Variants in GSTCD observed in about 807,000 individuals in gnomAD.
The protein encoded by GSTCD is glutathione S-transferase C-terminal domain containing.
GSTCD carries 44 observed loss-of-function variants against 68.3 expected under a neutral mutation model. That is an observed-to-expected ratio of 0.64 (90% confidence interval 0.51 to 0.83). GSTCD has a LOEUF of 0.83. Among genes scored for constraint, GSTCD ranks in the 40% least tolerant of loss-of-function variants. The pLI, the probability that GSTCD is intolerant of heterozygous loss-of-function variation, is 0.00. For synonymous variants in GSTCD, 273 were observed against 255.2 expected (o/e 1.07, Z -0.67); for missense variants, 739 against 735.9 (o/e 1.00, Z -0.05).
intron 5 of GSTCD, among the ~76,000 whole-genome samples, chr4:105,776,674 C>G (rs1422639007): frequency 6.6e-6 from 1 of 152,148 alleles, no homozygotes; most frequent in Non-Finnish European, 1.5e-5. Context: ...TACCCACTGT[C>G]TAACCAGTCC....
intron 4 of GSTCD, among the ~76,000 whole-genome samples, chr4:105,727,583 G>T (rs548643537): frequency 6.1e-4 from 90 of 148,166 alleles, no homozygotes; most frequent in Admixed American, 1.3e-3. Flanking sequence ...CCAAGGTTTT[G>T]TTTAAATTTG....
At position 105,713,802 on chromosome 4, in the gene GSTCD, T is replaced by C. The variant is rs1732607351; in HGVS notation, c.-21-3791T>C. 1.3e-5 allele frequency among the ~76,000 whole-genome samples: 2 copies of C among 151,606 alleles called. 1 individual carries two copies. Among genetic ancestry groups the C allele is most frequent in the South Asian group, 4.1e-4 (2 of 4,830 alleles). ...AACACAGGTTAATCATTTGCAGCAG[T>C]TATGCACTTTTTGGTCTTCATTATA... On this transcript the variant is annotated intron_variant, in intron 1 of 11. Transcript: ENST00000515279.
intron 2 of GSTCD, among the ~76,000 whole-genome samples, chr4:105,718,403 C>T (rs1335923442): frequency 1.3e-5 from 2 of 152,148 alleles, no homozygotes; most frequent in Non-Finnish European, 2.9e-5. Flanking sequence ...CTTGCTCTCT[C>T]TTGCACCCTC....
At chr4:105,785,356 A>C (rs1735425539) in intron 5 of GSTCD, among the ~76,000 whole-genome samples, 1 of 152,190 alleles carries the variant, frequency 6.6e-6, no homozygotes, top group Non-Finnish European at 1.5e-5. Context: ...CAGATTAAAA[A>C]AAAAATCATA....
chr4:105,795,430 T>A (rs1312424620), intron 5 of GSTCD, among the ~76,000 whole-genome samples: 1 of 152,004 alleles, frequency 6.6e-6, no homozygotes, highest in Non-Finnish European at 1.5e-5. Flanking sequence ...TTGGGATGAG[T>A]TTAAGGACAG....
intron 5 of GSTCD, among the ~76,000 whole-genome samples, chr4:105,814,987 A>G (rs915810376): frequency 3.3e-5 from 5 of 152,226 alleles, no homozygotes; most frequent in African/African-American, 1.2e-4. Context: ...TTTAATAACC[A>G]TTCTCTATTT....
intron 5 of GSTCD, among the ~76,000 whole-genome samples, chr4:105,806,872 A>G (rs1456467994): frequency 6.6e-6 from 1 of 152,202 alleles, no homozygotes; most frequent in Non-Finnish European, 1.5e-5. Flanking sequence ...CTCACTGTGC[A>G]CTGCATTTCA....
intron 5 of GSTCD, among the ~76,000 whole-genome samples, chr4:105,742,205 A>G (rs769519768): frequency 4.6e-5 from 7 of 152,118 alleles, no homozygotes; most frequent in African/African-American, 7.2e-5. Context: ...GGCCTATCCA[A>G]TCTGCCATCC....
At chr4:105,793,178 G>C (rs2544428) in intron 5 of GSTCD, among the ~76,000 whole-genome samples, 151,422 of 152,050 alleles carry the variant, frequency 1, 75,408 homozygotes, top group Middle Eastern at 1. Flanking sequence ...TCAGCCGCTA[G>C]CAATTAAATG....
intron 5 of GSTCD, among the ~76,000 whole-genome samples, chr4:105,734,419 T>C (rs1416500538): frequency 6.6e-6 from 1 of 152,184 alleles, no homozygotes; most frequent in Non-Finnish European, 1.5e-5. Flanking sequence ...CTTCTCTTCT[T>C]GCTTCATTTC....
At position 105,743,192 on chromosome 4, in the gene GSTCD, T is replaced by C. The variant is rs377241411; in HGVS notation, c.1240+13693T>C. ...GTCTCGATCTCCTGACCTCATGATC[T>C]GCCCCCCTTGGCCTCCCAAAGTACT... On this transcript the variant is annotated intron_variant, in intron 5 of 11. Coordinates refer to ENST00000515279, the MANE Select transcript of GSTCD (RefSeq NM_001370181.1). Among the ~76,000 whole-genome samples the C allele has an allele frequency of 7.6e-4, 115 of 152,152 alleles. No homozygotes were observed. The East Asian group carries it at 8.5e-3, about 11-fold the overall frequency.
At chr4:105,803,340 G>A (rs537925396) in intron 5 of GSTCD, among the ~76,000 whole-genome samples, 1 of 152,116 alleles carries the variant, frequency 6.6e-6, no homozygotes, top group Admixed American at 6.6e-5. Context: ...GCATCAAGAA[G>A]TTCTTGCCAA....
At chr4:105,734,744 G>T (rs1044008425) in intron 5 of GSTCD, among the ~76,000 whole-genome samples, 1 of 152,170 alleles carries the variant, frequency 6.6e-6, no homozygotes, top group African/African-American at 2.4e-5. Context: ...CCTTTGGAGG[G>T]GGAGAGGTGC....
At chr4:105,815,456 C>T (rs984029444) in intron 5 of GSTCD, 3 of 151,964 alleles carry the variant, frequency 2.0e-5, no homozygotes, top group South Asian at 2.1e-4. Flanking sequence ...AATTTAGGGC[C>T]GTGTCACTTT....
rs5860809 is a variant in GSTCD at position 105,727,088 on chromosome 4, CT to C, written c.1146+274del. On this transcript the variant is annotated intron_variant, in intron 4 of 11. Transcript: ENST00000515279. ...CTTTTAAAAAGCCCTTTTCTCAAAA[CT>C]TTTTTTTTTTTTTTTGTATATTCAG... Among the ~76,000 whole-genome samples the C allele has an allele frequency of 1.3e-3, 186 of 138,038 alleles. 1 individual carries two copies. The highest frequency in any genetic ancestry group is 5.6e-3 in the Admixed American group (77 of 13,652). 90.6% of individuals were successfully genotyped at this position (138,038 alleles called of 152,430 possible). A position where few individuals can be genotyped will look rare whatever the true frequency, so the allele number is the denominator to read the frequency against.
intron 3 of GSTCD, among the ~76,000 whole-genome samples, chr4:105,721,744 T>G (rs903783060): frequency 2.0e-5 from 3 of 152,136 alleles, no homozygotes; most frequent in Admixed American, 1.3e-4. Flanking sequence ...AAATACTTTA[T>G]TACTTTACAA....
intron 5 of GSTCD, among the ~76,000 whole-genome samples, chr4:105,812,636 A>G (rs530540971): frequency 5.4e-4 from 83 of 152,314 alleles, no homozygotes; most frequent in Non-Finnish European, 4.0e-4. Context: ...TACAATAACC[A>G]TTAAGGTAAG....
At chr4:105,818,560 A>T (rs1018512638) in intron 5 of GSTCD, among the ~76,000 whole-genome samples, 4 of 151,850 alleles carry the variant, frequency 2.6e-5, no homozygotes, top group Non-Finnish European at 3.0e-5. Flanking sequence ...TCTTGCCAAG[A>T]CATCAATATT....
chr4:105,730,095 G>A (rs186500986), intron 5 of GSTCD, among the ~76,000 whole-genome samples: 1 of 152,266 alleles, frequency 6.6e-6, no homozygotes, highest in South Asian at 2.1e-4. Context: ...TGGCTGCATA[G>A]TATTCCATGG....
Sources: allele counts gnomAD v4.1 joint callset (sites outside exome capture counted in the v4.1 genomes callset), GRCh38; gene constraint gnomAD v4.1.1; transcripts MANE v1.5; gene names NCBI Gene and HGNC (gene_info 2026-07-23, HGNC 2026-07-21).